The following GRIP2 variants were observed in gnomAD, a reference collection of about 807,000 sequenced individuals.
GRIP2 encodes glutamate receptor interacting protein 2, also known as glutamate receptor-interacting protein 2.
A neutral mutation model predicts 108.3 loss-of-function variants in GRIP2; 58 were observed. That is an observed-to-expected ratio of 0.54 (90% CI 0.43 to 0.67). The LOEUF (loss-of-function observed/expected upper bound fraction) is 0.67, where lower values mean the gene tolerates loss of function less well. Among genes scored for constraint, GRIP2 ranks in the 30% least tolerant of loss-of-function variants. The pLI is 0.00. For missense variants in GRIP2, 1,278 were observed against 1,430.6 expected (o/e 0.89, Z 1.72); for synonymous variants, 586 against 598.2 (o/e 0.98, Z 0.30).
At chr3:14,574,255 TG>T in the GRIP2 span, 3 of 884,134 alleles carry the variant, frequency 3.4e-6, no homozygotes, top group Non-Finnish European at 5.7e-6. Flanking sequence ...AAGCTGTCGA[TG>T]TGCTTGTGGT....
At chr3:14,599,138 T>G in the GRIP2 span, among the ~76,000 whole-genome samples, 1 of 152,242 alleles carries the variant, frequency 6.6e-6, no homozygotes, top group Non-Finnish European at 1.5e-5. Flanking sequence ...GTCTTTTTCT[T>G]GTTCACAGTT....
chr3:14,584,676 A>G, the GRIP2 span, among the ~76,000 whole-genome samples: 1 of 152,178 alleles, frequency 6.6e-6, no homozygotes, highest in African/African-American at 2.4e-5. Context: ...GAGAGGGGCC[A>G]TAACTTGCCC....
chr3:14,583,422 C>T, the GRIP2 span, among the ~76,000 whole-genome samples: 1 of 152,206 alleles, frequency 6.6e-6, no homozygotes, highest in African/African-American at 2.4e-5. Context: ...TTGACAGCAA[C>T]CTTGATGGGG....
At chr3:14,520,850 A>C (rs4308257) in intron 7 of GRIP2, 5 of 353,592 alleles carry the variant, frequency 1.4e-5, no homozygotes. Flanking sequence ...TAAACTGTAA[A>C]GTTCACTACA....
rs147313396 is a variant in GRIP2, at chr3:14,507,438, G to A, written c.2218+123C>T. 12,896 of 1,219,454 alleles carry A rather than the reference G, an allele frequency of 0.011. 104 individuals carry two copies. The highest frequency in any genetic ancestry group is 0.029 in the East Asian group (1,228 of 41,812). 75.5% of individuals were successfully genotyped at this position (1,219,454 alleles called of 1,614,324 possible). ...TCTGAGTCTTATCTTCTTTGCCATC[G>A]CAGGCCCGCCTCCACAGGGCTGCAG... On this transcript the variant is annotated intron_variant, in intron 18 of 23. Coordinates refer to ENST00000621039, the MANE Select transcript of GRIP2 (RefSeq NM_001080423.4). This position sits in a 1 kb window ranked among gnomAD's most constrained non-coding sequence, Gnocchi z 4.6.
chr3:14,549,455 C>T (rs979929239), intron 1 of GRIP2, among the ~76,000 whole-genome samples: 1 of 152,230 alleles, frequency 6.6e-6, no homozygotes, highest in Non-Finnish European at 1.5e-5. Flanking sequence ...CTGGATGCGG[C>T]TTCAGTGGAG....
rs1326149121 is a variant in GRIP2, at chr3:14,511,324, G to T, written c.1788-14C>A. 6.2e-7 allele frequency: 1 copy of T among 1,613,874 alleles called. No homozygotes were observed. Among genetic ancestry groups the T allele is most frequent in the African/African-American group, 1.3e-5 (1 of 74,932 alleles). ...AGGGTGCCCGTCCTGCATGAGTCGG[G>T]GGCAGAGGGGATGGAAGGAGCCTGG... On this transcript the variant is annotated splice_polypyrimidine_tract_variant and intron_variant, in intron 15 of 23. Coordinates refer to ENST00000621039, the MANE Select transcript of GRIP2 (RefSeq NM_001080423.4). The surrounding 1 kb of genome is among the most constrained non-coding windows in gnomAD (Gnocchi z 4.1).
chr3:14,596,910 T>C, the GRIP2 span, among the ~76,000 whole-genome samples: 1 of 152,146 alleles, frequency 6.6e-6, no homozygotes, highest in South Asian at 2.1e-4. Flanking sequence ...TCAGCTGATT[T>C]TTTAAATTTT....
At chr3:14,526,381 G>C (rs1465185041) in intron 1 of GRIP2, among the ~76,000 whole-genome samples, 1 of 152,180 alleles carries the variant, frequency 6.6e-6, no homozygotes, top group Non-Finnish European at 1.5e-5. Flanking sequence ...CCTGCTGGGA[G>C]GGGGAGCTCT....
Position 14,511,953 on chromosome 3 carries a change from C to T in GRIP2, c.1721-474G>A, listed in dbSNP as rs1694109060. 6.6e-6 allele frequency among the ~76,000 whole-genome samples: 1 copy of T among 152,208 alleles called. No individual in the cohort carries two copies. Among genetic ancestry groups the T allele is most frequent in the Non-Finnish European group, 1.5e-5 (1 of 68,034 alleles). On this transcript the variant is annotated intron_variant, in intron 14 of 23. Transcript: ENST00000621039. The surrounding 1 kb of genome is among the most constrained non-coding windows in gnomAD (Gnocchi z 4.1). ...TCTCCCTGCCCTCCTGGAGCTGGCA[C>T]TCCAGTGGTGGTCACAATCAACAAC...
chr3:14,586,578 G>A, the GRIP2 span, among the ~76,000 whole-genome samples: 1 of 152,168 alleles, frequency 6.6e-6, no homozygotes, highest in Admixed American at 6.5e-5. Flanking sequence ...AAGTGGGGAG[G>A]CCTCATGGAA....
In GRIP2 at chr3:14,505,635, A is replaced by ATCC. The variant is rs757372923; in HGVS notation, c.2550_2552dup (p.Glu850dup). On this transcript the variant is annotated inframe_insertion, in exon 20 of 24. Transcript: ENST00000621039. The surrounding 1 kb of genome is among the most constrained non-coding windows in gnomAD (Gnocchi z 4.2). ...CAGACCTCGTTGGCGGCTCCCAATC[A>ATCC]TCCTCCTCCTCCTCCTCTGGAAAGC... 72 of 1,606,620 alleles carry ATCC rather than the reference A, an allele frequency of 4.5e-5. No individual in the cohort carries two copies. The South Asian group carries it at 5.9e-4, about 13-fold the overall frequency.
intron 1 of GRIP2, among the ~76,000 whole-genome samples, chr3:14,538,141 T>A (rs1694877521): frequency 6.6e-6 from 1 of 152,122 alleles, no homozygotes; most frequent in African/African-American, 2.4e-5. Flanking sequence ...GGCTGCCTGG[T>A]CCACAGAGCC....
chr3:14,552,656 A>C (rs1695170329), intron 1 of GRIP2, among the ~76,000 whole-genome samples: 1 of 139,918 alleles, frequency 7.1e-6, no homozygotes. Flanking sequence ...TTTTTGGCAC[A>C]GTCTTGGCTC....
upstream of GRIP2, among the ~76,000 whole-genome samples, chr3:14,541,697 T>C (rs568929131): frequency 6.6e-6 from 1 of 152,332 alleles, no homozygotes; most frequent in African/African-American, 2.4e-5. Flanking sequence ...TTGGGCAACT[T>C]GAGATCTGTT....
intron 16 of GRIP2, among the ~76,000 whole-genome samples, chr3:14,510,638 G>A (rs1321206263): frequency 2.6e-5 from 4 of 152,102 alleles, no homozygotes; most frequent in African/African-American, 4.8e-5. Flanking sequence ...TCACAGAGTC[G>A]GAGTTGGTGA....
chr3:14,551,469 G>A (rs1695148021), intron 1 of GRIP2, among the ~76,000 whole-genome samples: 1 of 152,160 alleles, frequency 6.6e-6, no homozygotes, highest in South Asian at 2.1e-4. Context: ...TCTGCAACAG[G>A]GACATACAGA....
At chr3:14,498,508 G>T (rs201703855) in intron 21 of GRIP2, among the ~76,000 whole-genome samples, 3 of 152,070 alleles carry the variant, frequency 2.0e-5, no homozygotes, top group Non-Finnish European at 2.9e-5. Context: ...GGTTGGAGTG[G>T]GGGGGAAGAT....
At chr3:14,524,688 T>A in intron 3 of GRIP2, 150 bp from the exon 4 acceptor site, 1 of 879,914 alleles carries the variant, frequency 1.1e-6, no homozygotes, top group Non-Finnish European at 1.7e-6. Context: ...CAGACAGTTG[T>A]CCAGGGTCAC....
Sources: allele counts gnomAD v4.1 joint callset (sites outside exome capture counted in the v4.1 genomes callset), GRCh38; gene constraint gnomAD v4.1.1; non-coding constraint Gnocchi (gnomAD v3.1); transcripts MANE v1.5; gene names NCBI Gene and HGNC (gene_info 2026-07-23, HGNC 2026-07-21).